Variants in AKR1C2 observed in about 807,000 individuals in gnomAD.
AKR1C2 encodes aldo-keto reductase family 1 member C2, also known as 3-alpha-HSD3.
In AKR1C2, 27 loss-of-function variants were observed where a neutral mutation model predicts 39.8. The ratio of observed to expected loss-of-function variants is 0.68; its 90% CI spans 0.50 to 0.93. The LOEUF is 0.93. AKR1C2 is among the 40% of genes least tolerant of loss of function. The pLI, the probability that AKR1C2 is intolerant of heterozygous loss-of-function variation, is 0.00. For synonymous variants in AKR1C2, 114 were observed against 137.9 expected (o/e 0.83, Z 1.22); for missense variants, 263 against 365.1 (o/e 0.72, Z 2.28).
At chr10:5,008,728 T>C (rs1459648780), upstream of AKR1C2, among the ~76,000 whole-genome samples, 1 of 152,270 alleles carries the variant, frequency 6.6e-6, no homozygotes, top group Non-Finnish European at 1.5e-5. Flanking sequence ...AACACTCATG[T>C]GCCTCAAGTA....
At chr10:5,013,221 A>G (rs1421187890) in intron 1 of AKR1C2, 1 of 152,224 alleles carries the variant, frequency 6.6e-6, no homozygotes, top group Non-Finnish European at 1.5e-5. Flanking sequence ...AAAATAAAAA[A>G]GTTTTGGAGA....
intron 5 of AKR1C2, chr10:4,996,157 T>A: frequency 3.2e-6 from 1 of 316,988 alleles, no homozygotes; most frequent in Non-Finnish European, 5.6e-6. Context: ...GTAAGATTCT[T>A]TGAGCCTTGG....
chr10:5,008,412 A>G (rs1837451495), upstream of AKR1C2, among the ~76,000 whole-genome samples: 1 of 151,794 alleles, frequency 6.6e-6, no homozygotes, highest in Non-Finnish European at 1.5e-5. Context: ...CTCTCTACTC[A>G]TCATTTCCTC....
chr10:4,998,799 G>C, intron 4 of AKR1C2, 52 bp from the exon 5 acceptor site: 2 of 1,609,130 alleles, frequency 1.2e-6, no homozygotes, highest in South Asian at 2.2e-5. Context: ...TGAAGAGCAA[G>C]ATAAATGTAA....
upstream of AKR1C2, among the ~76,000 whole-genome samples, chr10:5,004,189 T>G (rs1837351807): frequency 1.3e-5 from 2 of 152,240 alleles, no homozygotes; most frequent in Admixed American, 1.3e-4. Context: ...CACAGCTCTT[T>G]TTTGTGTGTG....
In AKR1C2 at chr10:5,001,086, T is replaced by A. The variant is rs542835511; in HGVS notation, c.253-420A>T. ...TATGTTAACTTGGGCTGGATGCAAT[T>A]TAAAACAATGTAGGTATCACTCTTT... is the stretch of plus-strand genomic sequence containing the variant. On this transcript the variant is annotated intron_variant, in intron 2 of 8. Transcript: ENST00000380753. Among the ~76,000 whole-genome samples the A allele has an allele frequency of 5.3e-5, 8 of 152,300 alleles. No homozygotes were observed. The South Asian group carries it at 1.2e-3, about 24-fold the overall frequency.
upstream of AKR1C2, among the ~76,000 whole-genome samples, chr10:5,004,382 G>A (rs1349450003): frequency 1.3e-5 from 2 of 151,990 alleles, no homozygotes; most frequent in Non-Finnish European, 2.9e-5. Context: ...CAAATTTATT[G>A]TTCCTTTCTT....
intron 1 of AKR1C2, chr10:5,013,706 T>C (rs1484242325): frequency 1.3e-5 from 2 of 152,278 alleles, no homozygotes; most frequent in African/African-American, 4.8e-5. Context: ...TGTGGTAAAA[T>C]ATGTATAACA....
intron 7 of AKR1C2, among the ~76,000 whole-genome samples, chr10:4,993,878 T>A (rs1324982792): frequency 6.6e-6 from 1 of 151,642 alleles, no homozygotes; most frequent in Non-Finnish European, 1.5e-5. Context: ...TAAATACTGA[T>A]AATTTCCACA....
At chr10:5,009,340 G>A (rs1937863) in intron 1 of AKR1C2, among the ~76,000 whole-genome samples, 125,992 of 152,012 alleles carry the variant, frequency 0.83, 52,335 homozygotes, top group South Asian at 0.86. Context: ...TGTCTGCACT[G>A]TTTGTTATTT....
chr10:4,992,445 C>T (rs1382731533), intron 7 of AKR1C2, among the ~76,000 whole-genome samples: 1 of 152,096 alleles, frequency 6.6e-6, no homozygotes, highest in Admixed American at 6.6e-5. Flanking sequence ...AAAAAGATGT[C>T]ACTCTTTCTA....
intron 3 of AKR1C2, chr10:4,999,811 G>A (rs1407173198): frequency 2.0e-5 from 10 of 509,038 alleles, no homozygotes; most frequent in Non-Finnish European, 2.5e-5. Flanking sequence ...AGCCATAAAT[G>A]CCACCAACGA....
intron 1 of AKR1C2, among the ~76,000 whole-genome samples, chr10:5,017,749 A>C (rs1474512696): frequency 6.6e-6 from 1 of 152,104 alleles, no homozygotes. Flanking sequence ...ATGCTTCACT[A>C]TTTAGTACCA....
chr10:5,000,598 T>A lies in AKR1C2; in HGVS notation c.321A>T (p.Gln107His), dbSNP rs781823846. 5 of 1,613,912 alleles carry A rather than the reference T, an allele frequency of 3.1e-6. No homozygotes were observed. In the Admixed American group the frequency reaches 6.7e-5, roughly 22 times the overall value. The stretch of plus-strand genomic sequence containing the variant: ...TAAGATAGAGGTCAACATAGTCCAA[T>A]TGAAGATTTTTCAGTGACCTTTCCA... ...PALERSLKNL[Q>H]LDYVDLYLIH... Residue 107 changes from glutamine (Q) to histidine (H), a missense_variant, in exon 3 of 9, where the codon CAA becomes CAT. By Grantham distance (24) the Gln-to-His change is conservative. This residue lies in a region of AKR1C2 where 247 missense variants were observed against 267.9 expected (regional missense o/e 0.92). Transcript: ENST00000380753.
At chr10:4,994,548 A>C (rs1836963895) in intron 7 of AKR1C2, among the ~76,000 whole-genome samples, 1 of 152,170 alleles carries the variant, frequency 6.6e-6, no homozygotes. Flanking sequence ...GCACATGTCC[A>C]TTCACTATGC....
At chr10:5,009,441 C>G (rs1156595251) in intron 1 of AKR1C2, among the ~76,000 whole-genome samples, 1 of 151,912 alleles carries the variant, frequency 6.6e-6, no homozygotes, top group Non-Finnish European at 1.5e-5. Context: ...TGCGACCACT[C>G]CTAGATAGGT....
At chr10:5,015,401 G>A (rs778924774) in intron 1 of AKR1C2, among the ~76,000 whole-genome samples, 1 of 152,132 alleles carries the variant, frequency 6.6e-6, no homozygotes, top group Non-Finnish European at 1.5e-5. Flanking sequence ...TCCCAAATTA[G>A]GTAAAAGAAG....
At chr10:5,005,177 C>T (rs1837373278), upstream of AKR1C2, among the ~76,000 whole-genome samples, 1 of 152,054 alleles carries the variant, frequency 6.6e-6, no homozygotes, top group African/African-American at 2.4e-5. Flanking sequence ...ATTCAAAAGC[C>T]ATTGGTTATT....
chr10:4,988,007 T>A lies in AKR1C2; in HGVS notation c.*1989A>T, dbSNP rs1245126476. 1.2e-5 allele frequency: 1 copy of A among 84,274 alleles called. No homozygotes were observed. The highest frequency in any genetic ancestry group is 1.1e-4 in the Admixed American group (1 of 9,398). The allele number at this position is 84,274 out of a possible 1,614,324, so 5.2% of individuals were successfully genotyped here. On this transcript the variant is annotated 3_prime_UTR_variant, in exon 9 of 9. Coordinates refer to ENST00000380753, the MANE Select transcript of AKR1C2 (RefSeq NM_001393392.1). ...TTGGCTTTATGAAATTCTGAGTAAC[T>A]TTTTTTTTTTAACAATAAGAGTTTT...
Sources: gnomAD v4.1 joint callset for allele counts (sites outside exome capture counted in the v4.1 genomes callset) on GRCh38, gnomAD v4.1.1 for gene constraint, gnomAD v4.1.1 regional missense constraint, MANE v1.5 for transcripts, NCBI Gene and HGNC (gene_info 2026-07-23, HGNC 2026-07-21) for gene names.